LRCH2: variants seen among roughly 807,000 people sequenced by gnomAD.
The protein encoded by LRCH2 is leucine rich repeats and calponin homology domain containing 2, also known as leucine-rich repeat and calponin homology domain-containing protein 2.
LRCH2 carries 38 observed loss-of-function variants against 68.9 expected under a neutral mutation model. The observed-to-expected ratio is 0.55, with a 90% CI of 0.43 to 0.72. The LOEUF (loss-of-function observed/expected upper bound fraction) is 0.72, where lower values mean the gene tolerates loss of function less well. Ranked by LOEUF, LRCH2 falls within the 30% of genes least tolerant of loss-of-function variation. LRCH2 has a pLI of 0.00. For missense variants in LRCH2, 528 were observed against 572.9 expected (o/e 0.92, Z 0.80); for synonymous variants, 191 against 208.1 (o/e 0.92, Z 0.71).
At chrX:115,201,926 C>T (rs1397098081) in intron 1 of LRCH2, among the ~76,000 whole-genome samples, 1 of 110,930 alleles carries the variant, frequency 9.0e-6, no homozygotes, top group Non-Finnish European at 1.9e-5. Context: ...AATAAAATAC[C>T]TAGGAATAAA....
chrX:115,198,786 G>T, intron 1 of LRCH2: 1 of 117,051 alleles, frequency 8.5e-6, no homozygotes. Flanking sequence ...ATAAAGAACA[G>T]CTTCACAGAA....
chrX:115,192,646 G>T (rs896220757), intron 1 of LRCH2: 11 of 1,166,696 alleles, frequency 9.4e-6, no homozygotes, highest in Non-Finnish European at 1.3e-5. Context: ...CAGATACTAA[G>T]CAGGAACAGA....
intron 11 of LRCH2, among the ~76,000 whole-genome samples, chrX:115,158,712 CAA>C (rs1368969042): frequency 8.9e-6 from 1 of 111,798 alleles, no homozygotes; most frequent in Non-Finnish European, 1.9e-5. Flanking sequence ...AGGAAAGACA[CAA>C]CAGAAAATAC....
At chrX:115,120,976 A>T (rs1158026130) in intron 20 of LRCH2, among the ~76,000 whole-genome samples, 3 of 98,608 alleles carry the variant, frequency 3.0e-5, no homozygotes, top group East Asian at 3.3e-4. Flanking sequence ...AACAATGAGA[A>T]CACATGGACA....
At chrX:115,224,370 T>G (rs1556575435) in intron 1 of LRCH2, among the ~76,000 whole-genome samples, 1 of 111,211 alleles carries the variant, frequency 9.0e-6, no homozygotes, top group Non-Finnish European at 1.9e-5. Flanking sequence ...GTCTGTGAAC[T>G]CTCAATAAAA....
intron 1 of LRCH2, chrX:115,190,076 G>A: frequency 8.7e-7 from 1 of 1,154,099 alleles, no homozygotes. Flanking sequence ...CCCCGGTCAA[G>A]CCTGGCTCGC....
intron 1 of LRCH2, chrX:115,190,476 G>A (rs949675615): frequency 2.1e-5 from 25 of 1,167,616 alleles, no homozygotes; most frequent in African/African-American, 7.1e-5. Flanking sequence ...AAGGCCGCTC[G>A]TCCGAGGCCT....
intron 1 of LRCH2, among the ~76,000 whole-genome samples, chrX:115,197,301 G>GA (rs1221702540): frequency 3.7e-5 from 4 of 108,054 alleles, no homozygotes; most frequent in South Asian, 4.0e-4. Context: ...AACCAAAAAA[G>GA]AAAAAAAAAT....
intron 6 of LRCH2, among the ~76,000 whole-genome samples, chrX:115,169,079 T>C (rs1464570253): frequency 8.9e-6 from 1 of 112,327 alleles, no homozygotes; most frequent in Admixed American, 9.5e-5. Context: ...TGCTCTTACT[T>C]TGCTCTTCAC....
intron 1 of LRCH2, among the ~76,000 whole-genome samples, chrX:115,231,136 G>A (rs146087441): frequency 1.7e-3 from 194 of 111,224 alleles, no homozygotes; most frequent in African/African-American, 6.1e-3. Context: ...AACATTAACC[G>A]CTTCTTAGCT....
intron 20 of LRCH2, among the ~76,000 whole-genome samples, chrX:115,120,800 A>C (rs1556525645): frequency 9.3e-6 from 1 of 107,981 alleles, no homozygotes; most frequent in African/African-American, 3.4e-5. Context: ...GACTGGACTA[A>C]GAAAATGTGG....
At chrX:115,183,618 T>C (rs2072710613) in intron 3 of LRCH2, among the ~76,000 whole-genome samples, 1 of 110,353 alleles carries the variant, frequency 9.1e-6, no homozygotes, top group Non-Finnish European at 1.9e-5. Flanking sequence ...AGCCTGAACC[T>C]GGGAGGCGGA....
At chrX:115,175,699 G>T (rs1428573125) in intron 5 of LRCH2, among the ~76,000 whole-genome samples, 1 of 111,675 alleles carries the variant, frequency 9.0e-6, no homozygotes. Context: ...TTTGTTATAG[G>T]GGTATCAGCC....
chrX:115,147,441 C>CACAT (rs1556536707), intron 14 of LRCH2, among the ~76,000 whole-genome samples: 1 of 111,482 alleles, frequency 9.0e-6, no homozygotes, highest in African/African-American at 3.3e-5. Context: ...AGGAGAACTA[C>CACAT]ACATCTCCTT....
chrX:115,170,483 A>T, intron 5 of LRCH2, 51 bp from the exon 6 acceptor site: 1 of 954,803 alleles, frequency 1.0e-6, no homozygotes, highest in Middle Eastern at 4.2e-4. Context: ...TATAAATGAC[A>T]TCTATCATTT....
rs1464226746 is a variant in LRCH2 at position 115,152,659 on chromosome X, T to C, written c.1530-2589A>G. Among the ~76,000 whole-genome samples the C allele has an allele frequency of 7.4e-5, 8 of 108,777 alleles. No homozygotes were observed. In the East Asian group the frequency reaches 1.5e-3, roughly 20 times the overall value. 94.5% of individuals were successfully genotyped at this position (108,777 alleles called of 115,157 possible). On this transcript the variant is annotated intron_variant, in intron 12 of 20. Transcript: ENST00000317135. Reference sequence around the variant, plus strand: ...CAAACTTCAAGTGGCCTAATTGGAGTTCCATAATAGAAGAGGTCAAATGAT... The same window carrying C: ...CAAACTTCAAGTGGCCTAATTGGAGCTCCATAATAGAAGAGGTCAAATGAT...
chrX:115,172,619 A>G (rs1325769798), intron 5 of LRCH2, among the ~76,000 whole-genome samples: 8 of 111,598 alleles, frequency 7.2e-5, no homozygotes, highest in African/African-American at 1.6e-4. Flanking sequence ...TGTTTTTCCT[A>G]AAGTAATTAA....
At chrX:115,174,602 CACACA>C (rs1307319751) in intron 5 of LRCH2, among the ~76,000 whole-genome samples, 742 of 70,100 alleles carry the variant, frequency 0.011, 21 homozygotes, top group African/African-American at 0.036. Flanking sequence ...CCCCCCCCCC[CACACA>C]CACACACACA....
chrX:115,118,348 C>A (rs1228490572), intron 20 of LRCH2, among the ~76,000 whole-genome samples: 1 of 110,178 alleles, frequency 9.1e-6, no homozygotes, highest in Non-Finnish European at 1.9e-5. Flanking sequence ...CACCACTGAT[C>A]CCACAGAAAA....
Sources: gnomAD v4.1 joint callset for allele counts (sites outside exome capture counted in the v4.1 genomes callset) on GRCh38, gnomAD v4.1.1 for gene constraint, MANE v1.5 for transcripts, NCBI Gene and HGNC (gene_info 2026-07-23, HGNC 2026-07-21) for gene names.